Variants in MAOB observed in about 807,000 individuals in gnomAD.
MAOB encodes monoamine oxidase B, also known as amine oxidase [flavin-containing] B.
In MAOB, 15 loss-of-function variants were observed where a neutral mutation model predicts 41.9. That is an observed-to-expected ratio of 0.36 (90% CI 0.24 to 0.55). MAOB has a LOEUF of 0.55. MAOB is among the 20% of genes least tolerant of loss of function. The pLI is 0.86. For synonymous variants in MAOB, 167 were observed against 144.2 expected (o/e 1.16, Z -1.13); for missense variants, 345 against 398.7 (o/e 0.87, Z 1.15).
intron 8 of MAOB, among the ~76,000 whole-genome samples, chrX:43,782,986 G>A (rs753949392): frequency 2.7e-5 from 3 of 111,691 alleles, no homozygotes; most frequent in East Asian, 2.8e-4. Flanking sequence ...TTGATGGAAC[G>A]TATCTCAAAA....
chrX:43,801,746 C>T (rs1330526454), intron 5 of MAOB, among the ~76,000 whole-genome samples: 1 of 113,188 alleles, frequency 8.8e-6, no homozygotes, highest in African/African-American at 3.2e-5. Flanking sequence ...AGAGGTTCCT[C>T]TTTAAGTCCT....
At chrX:43,828,780 G>A (rs773896747) in intron 3 of MAOB, among the ~76,000 whole-genome samples, 11 of 111,596 alleles carry the variant, frequency 9.9e-5, no homozygotes, top group Non-Finnish European at 2.1e-4. Flanking sequence ...TTACCAACTG[G>A]GGCATCTTGA....
At chrX:43,843,638 C>T in intron 2 of MAOB, 32 bp downstream of exon 2, 1 of 1,186,700 alleles carries the variant, frequency 8.4e-7, no homozygotes, top group South Asian at 1.9e-5. Context: ...GCTTCAGTCC[C>T]ACATTTGTCC....
chrX:43,797,161 G>A lies in MAOB; in HGVS notation c.582C>T (p.Gly194=), dbSNP rs1171687385. Reference sequence around the variant, plus strand: ...TTGTTGTCGAGATGATTCTTGTTGTGCCTCCACACTGCTTCACATACCACA... The same window carrying A: ...TTGTTGTCGAGATGATTCTTGTTGTACCTCCACACTGCTTCACATACCACA... ...WFLWYVKQCG[G]TTRIISTTNG... The change falls in exon 6 of 15, where the codon GGC becomes GGT. Residue 194 remains glycine (G), a synonymous_variant. Coordinates refer to ENST00000378069, the MANE Select transcript of MAOB (RefSeq NM_000898.5). 1.7e-6 allele frequency: 2 copies of A among 1,207,851 alleles called. No individual in the cohort carries two copies. Among genetic ancestry groups the A allele is most frequent in the South Asian group, 1.8e-5 (1 of 56,248 alleles).
At chrX:43,866,461 C>CA (rs1291708481) in intron 1 of MAOB, among the ~76,000 whole-genome samples, 1 of 111,975 alleles carries the variant, frequency 8.9e-6, no homozygotes, top group Non-Finnish European at 1.9e-5. Context: ...AAGCCGGACA[C>CA]AAAAGGACAC....
In MAOB at chrX:43,882,364, T is replaced by A; in HGVS notation, c.-65A>T. ...TCCGTTTTCTGGGCCTCGATCCCAG[T>A]CCTGCCTGCCAGCCAGCCCGCCCGC... is the stretch of plus-strand genomic sequence containing the variant. On this transcript the variant is annotated 5_prime_UTR_variant, in exon 1 of 15. Transcript: ENST00000378069. The A allele has an allele frequency of 8.7e-7, 1 of 1,152,074 alleles. No homozygotes were observed. The highest frequency in any genetic ancestry group is 1.2e-6 in the Non-Finnish European group (1 of 867,297). The allele number at this position is 1,152,074 out of a possible 1,213,427, so 94.9% of individuals were successfully genotyped here.
intron 1 of MAOB, among the ~76,000 whole-genome samples, chrX:43,874,682 C>T (rs1364126612): frequency 9.0e-6 from 1 of 111,159 alleles, no homozygotes; most frequent in Non-Finnish European, 1.9e-5. Flanking sequence ...ATATAAAGAT[C>T]ACCTGCTAAC....
intron 3 of MAOB, among the ~76,000 whole-genome samples, chrX:43,827,769 C>T (rs1245533239): frequency 8.9e-6 from 1 of 111,856 alleles, no homozygotes; most frequent in Non-Finnish European, 1.9e-5. Flanking sequence ...GTGGCTGGAC[C>T]AGGGTGAGCT....
chrX:43,835,705 A>G (rs757448409), intron 3 of MAOB, among the ~76,000 whole-genome samples: 1 of 111,840 alleles, frequency 8.9e-6, no homozygotes, highest in African/African-American at 3.2e-5. Flanking sequence ...CCTCTATCAG[A>G]AGAACATTTC....
chrX:43,788,007 T>A (rs2034421284), intron 8 of MAOB, among the ~76,000 whole-genome samples: 1 of 111,331 alleles, frequency 9.0e-6, no homozygotes, highest in African/African-American at 3.3e-5. Flanking sequence ...TGAGGCTGGG[T>A]AATATATGAA....
intron 1 of MAOB, among the ~76,000 whole-genome samples, chrX:43,856,286 G>A (rs996797558): frequency 5.4e-5 from 6 of 111,533 alleles, no homozygotes; most frequent in Admixed American, 9.5e-5. Context: ...GTTTTGCCAC[G>A]TTGGCCAGGC....
At chrX:43,790,815 TG>T (rs2034454522) in intron 8 of MAOB, among the ~76,000 whole-genome samples, 1 of 111,045 alleles carries the variant, frequency 9.0e-6, no homozygotes, top group Non-Finnish European at 1.9e-5. Flanking sequence ...TTCTGAGGGG[TG>T]GAGGTCTTGG....
At chrX:43,853,076 G>A (rs1180794044) in intron 1 of MAOB, among the ~76,000 whole-genome samples, 3 of 109,369 alleles carry the variant, frequency 2.7e-5, no homozygotes, top group African/African-American at 1.0e-4. Flanking sequence ...CGAGGCGGGC[G>A]GATCACGATG....
At chrX:43,779,986 G>T (rs1044040030) in intron 10 of MAOB, among the ~76,000 whole-genome samples, 2 of 111,177 alleles carry the variant, frequency 1.8e-5, no homozygotes, top group Non-Finnish European at 3.8e-5. Flanking sequence ...TTTCTCCCTG[G>T]TTTATCTCCT....
intron 11 of MAOB, among the ~76,000 whole-genome samples, chrX:43,777,361 T>C (rs1355639447): frequency 7.2e-5 from 8 of 111,044 alleles, no homozygotes; most frequent in Non-Finnish European, 1.5e-4. Context: ...TGCCTATATT[T>C]AAACTTGCTA....
intron 1 of MAOB, among the ~76,000 whole-genome samples, chrX:43,857,522 C>G (rs1743483368): frequency 9.0e-6 from 1 of 110,959 alleles, no homozygotes; most frequent in African/African-American, 3.3e-5. Context: ...AAAATTAAAT[C>G]TTGCAGCAAG....
intron 1 of MAOB, among the ~76,000 whole-genome samples, chrX:43,848,430 T>C (rs1291081398): frequency 1.8e-5 from 2 of 112,226 alleles, no homozygotes; most frequent in Non-Finnish European, 3.8e-5. Flanking sequence ...TTAACCAAAA[T>C]TGACAATGAA....
chrX:43,851,614 T>A (rs2035252884), intron 1 of MAOB, among the ~76,000 whole-genome samples: 1 of 111,740 alleles, frequency 8.9e-6, no homozygotes, highest in Admixed American at 9.5e-5. Flanking sequence ...AATATAAAAC[T>A]GAAGAGCTAC....
In MAOB at chrX:43,835,690, C is replaced by T. The variant is rs1359678357; in HGVS notation, c.279+3178G>A. Reference sequence around the variant, plus strand: ...GCCTATTATGGAGCTGGCATGAACACACTTCCTCTATCAGAAGAACATTTC... The same window carrying T: ...GCCTATTATGGAGCTGGCATGAACATACTTCCTCTATCAGAAGAACATTTC... On this transcript the variant is annotated intron_variant, in intron 3 of 14. Coordinates refer to ENST00000378069, the MANE Select transcript of MAOB (RefSeq NM_000898.5). 7.2e-5 allele frequency among the ~76,000 whole-genome samples: 8 copies of T among 111,817 alleles called. No individual in the cohort carries two copies. In the Admixed American group the frequency reaches 7.6e-4, roughly 11 times the overall value.
Sources: gnomAD v4.1 joint callset for allele counts (sites outside exome capture counted in the v4.1 genomes callset) on GRCh38, gnomAD v4.1.1 for gene constraint, MANE v1.5 for transcripts, NCBI Gene and HGNC (gene_info 2026-07-23, HGNC 2026-07-21) for gene names.